SCYL3: variants seen among roughly 807,000 people sequenced by gnomAD.
SCYL3 encodes SCY1 like pseudokinase 3.
A neutral mutation model predicts 73.8 loss-of-function variants in SCYL3; 35 were observed. That is an observed-to-expected ratio of 0.47 (90% CI 0.36 to 0.63). The LOEUF is 0.63. SCYL3 is among the 20% of genes least tolerant of loss of function. The pLI, the probability that SCYL3 is intolerant of heterozygous loss-of-function variation, is 0.00. For synonymous variants in SCYL3, 277 were observed against 295.2 expected (o/e 0.94, Z 0.63); for missense variants, 712 against 798.9 (o/e 0.89, Z 1.31).
At chr1:169,879,881 G>A (rs1661123593) in intron 2 of SCYL3, among the ~76,000 whole-genome samples, 1 of 152,094 alleles carries the variant, frequency 6.6e-6, no homozygotes, top group Non-Finnish European at 1.5e-5. Context: ...AAAAATTAAT[G>A]TATAGACTCA....
At position 169,853,541 on chromosome 1, in the gene SCYL3, C is replaced by G; in HGVS notation, c.*172G>C. The G allele has an allele frequency of 1.5e-6, 1 of 662,534 alleles. No individual in the cohort carries two copies. Among genetic ancestry groups the G allele is most frequent in the Non-Finnish European group, 2.6e-6 (1 of 388,486 alleles). The allele number at this position is 662,534 out of a possible 1,614,324, so 41.0% of individuals were successfully genotyped here. A position where few individuals can be genotyped will look rare whatever the true frequency, so the allele number is the denominator to read the frequency against. On this transcript the variant is annotated 3_prime_UTR_variant, in exon 13 of 13. Transcript: ENST00000367771. ...AGCCTCACCACCCAGGGCTTTTAGCCAGCACTCACAGTCAGTCTCCTACTT... is the reference window on the plus strand; with the variant it reads ...AGCCTCACCACCCAGGGCTTTTAGCGAGCACTCACAGTCAGTCTCCTACTT...
At chr1:169,888,434 TATG>T (rs1299014881) in intron 2 of SCYL3, among the ~76,000 whole-genome samples, 4 of 152,156 alleles carry the variant, frequency 2.6e-5, no homozygotes, top group African/African-American at 9.7e-5. Context: ...AAAAATAAAA[TATG>T]ATGATAAAAG....
chr1:169,859,827 G>C (rs1229416041), intron 10 of SCYL3: 1 of 152,382 alleles, frequency 6.6e-6, no homozygotes, highest in Non-Finnish European at 1.5e-5. Context: ...TTGAGCCCAG[G>C]AGTTCTGGGC....
Position 169,853,125 on chromosome 1 carries a change from C to T in SCYL3, c.*588G>A, listed in dbSNP as rs1571366860. 1 of 827,176 alleles carries T rather than the reference C, an allele frequency of 1.2e-6. No individual in the cohort carries two copies. The highest frequency in any genetic ancestry group is 1.9e-6 in the Non-Finnish European group (1 of 524,752). The allele number at this position is 827,176 out of a possible 1,614,324, so 51.2% of individuals were successfully genotyped here. On this transcript the variant is annotated 3_prime_UTR_variant, in exon 13 of 13. Coordinates refer to ENST00000367771, the MANE Select transcript of SCYL3 (RefSeq NM_020423.7). ...TAATCTTTATTTGACATTTAGAGAACAGGATTGTGGGGAATATTCTTATTA... is the reference window on the plus strand; with the variant it reads ...TAATCTTTATTTGACATTTAGAGAATAGGATTGTGGGGAATATTCTTATTA...
intron 2 of SCYL3, among the ~76,000 whole-genome samples, chr1:169,887,631 C>T (rs1661778665): frequency 6.6e-6 from 1 of 152,032 alleles, no homozygotes; most frequent in Non-Finnish European, 1.5e-5. Context: ...AAAAAAGAGT[C>T]AAAAATGTGG....
chr1:169,862,854 G>C (rs1455985066), intron 9 of SCYL3, 57 bp from the exon 10 acceptor site: 5 of 1,525,608 alleles, frequency 3.3e-6, no homozygotes, highest in Non-Finnish European at 3.6e-6. Flanking sequence ...TCAGTGAAAA[G>C]TATTAAGCAT....
Position 169,854,377 on chromosome 1 carries a change from C to T in SCYL3, c.1900G>A (p.Ala634Thr). The T allele has an allele frequency of 6.2e-7, 1 of 1,614,070 alleles. No homozygotes were observed. The highest frequency in any genetic ancestry group is 8.5e-7 in the Non-Finnish European group (1 of 1,179,938). Residue 634 changes from alanine to threonine, a missense_variant, in exon 12 of 13, where the codon GCT becomes ACT. Ala to Thr is a moderately conservative substitution (Grantham distance 58). This residue lies in a region of SCYL3 where 370 missense variants were observed against 350.8 expected (regional missense o/e 1.05). Coordinates refer to ENST00000367771, the MANE Select transcript of SCYL3 (RefSeq NM_020423.7). ...CTCAGTTCAGGTAATATAAGAAAAG[C>T]AGCAGAAGGCTTAATTTCTGGGATC... Reference protein sequence around the residue: ...DMIPEIKPSAAFLILPELRTE... With the variant: ...DMIPEIKPSATFLILPELRTE...
intron 2 of SCYL3, among the ~76,000 whole-genome samples, chr1:169,885,071 T>C (rs951051522): frequency 6.6e-6 from 1 of 152,246 alleles, no homozygotes; most frequent in African/African-American, 2.4e-5. Flanking sequence ...AAGATGACTA[T>C]TTTTGAATGA....
Position 169,869,047 on chromosome 1 carries a change from C to T in SCYL3, c.626-8G>A, listed in dbSNP as rs568839549. 1.2e-6 allele frequency: 2 copies of T among 1,605,766 alleles called. No homozygotes were observed. The highest frequency in any genetic ancestry group is 8.5e-7 in the Non-Finnish European group (1 of 1,172,556). On this transcript the variant is annotated splice_polypyrimidine_tract_variant and splice_region_variant and intron_variant, in intron 6 of 12. Transcript: ENST00000367771. ...AGAGAACATCCGCTGAAACTGAAAT[C>T]CAGAGCTACAGTTAGTTTCCAATGC...
chr1:169,871,405 C>T (rs6658548), intron 5 of SCYL3, among the ~76,000 whole-genome samples: 25,264 of 152,168 alleles, frequency 0.17, 2,160 homozygotes, highest in Middle Eastern at 0.22. Context: ...CCAGGTGAGA[C>T]GTGCCTTTTG....
At position 169,853,654 on chromosome 1, in the gene SCYL3, TATTG is replaced by T; in HGVS notation, c.*55_*58del. 1 of 1,570,274 alleles carries T rather than the reference TATTG, an allele frequency of 6.4e-7. No individual in the cohort carries two copies. The highest frequency in any genetic ancestry group is 8.7e-7 in the Non-Finnish European group (1 of 1,145,816). On this transcript the variant is annotated 3_prime_UTR_variant, in exon 13 of 13. Transcript: ENST00000367771. ...CTTGTCCCAAAGCCTGCTTTTGAGG[TATTG>T]ATTTTTTTTAAAAAAAGGGAATCCT...
chr1:169,884,132 T>G (rs1184584270), intron 2 of SCYL3, among the ~76,000 whole-genome samples: 2 of 152,150 alleles, frequency 1.3e-5, no homozygotes, highest in East Asian at 3.8e-4. Context: ...CTCGAGTTAA[T>G]TCAATAAAAA....
Position 169,862,109 on chromosome 1 carries a change from T to G in SCYL3, c.1140+504A>C, listed in dbSNP as rs375798874. ...CTGGCCTCCAGAACTAAAAATAAAT[T>G]TGTATTGCTTTAAGCCATTATAATT... On this transcript the variant is annotated intron_variant, in intron 10 of 12. Coordinates refer to ENST00000367771, the MANE Select transcript of SCYL3 (RefSeq NM_020423.7). 7.2e-5 allele frequency among the ~76,000 whole-genome samples: 11 copies of G among 152,312 alleles called. No homozygotes were observed. The East Asian group carries it at 1.9e-3, about 27-fold the overall frequency.
Position 169,866,908 on chromosome 1 carries a change from G to A in SCYL3, c.803C>T (p.Thr268Met), listed in dbSNP as rs564471940. 170 of 1,564,250 alleles carry A rather than the reference G, an allele frequency of 1.1e-4. 1 individual carries two copies. The South Asian group carries it at 1.3e-3, about 12-fold the overall frequency. Residue 268 changes from threonine to methionine, a missense_variant, in exon 8 of 13, where the codon ACG becomes ATG. Physicochemically the swap from Thr to Met is moderately conservative, Grantham distance 81 (BLOSUM62 -1). Transcript: ENST00000367771. ...TTTCTGAACTTACTTAAAGAATTCC[G>A]TTTTCTCCTCTTCACTCTTCAATGT... ...SLTLKSEEEKTEFFKFLLDRV... is the reference protein window; with the variant it reads ...SLTLKSEEEKMEFFKFLLDRV...
chr1:169,890,794 C>A (rs946510833), intron 1 of SCYL3, among the ~76,000 whole-genome samples: 9 of 152,212 alleles, frequency 5.9e-5, no homozygotes, highest in African/African-American at 2.2e-4. Flanking sequence ...AAAAACAGTA[C>A]TAAAAGAAAT....
intron 10 of SCYL3, 102 bp downstream of exon 10, chr1:169,862,511 T>C (rs747002208): frequency 1.1e-4 from 143 of 1,265,670 alleles, no homozygotes; most frequent in Non-Finnish European, 1.5e-4. Flanking sequence ...GACTGCTGCC[T>C]GAAGGCTTTC....
At chr1:169,855,884 T>A in intron 11 of SCYL3, 5 of 1,613,904 alleles carry the variant, frequency 3.1e-6, no homozygotes, top group Non-Finnish European at 4.2e-6. Flanking sequence ...ATTTAGGGAA[T>A]ATGCTAGAGA....
Position 169,852,179 on chromosome 1 carries a change from A to AT in SCYL3, c.*1533dup, listed in dbSNP as rs545567775. Reference sequence around the variant, plus strand: ...GGTAGTAACCTTTAAGGGAAGTTACATATTGTACCAGTGATGCTATAAATG... The same window carrying AT: ...GGTAGTAACCTTTAAGGGAAGTTACATTATTGTACCAGTGATGCTATAAATG... On this transcript the variant is annotated 3_prime_UTR_variant, in exon 13 of 13. Coordinates refer to ENST00000367771, the MANE Select transcript of SCYL3 (RefSeq NM_020423.7). 9.8e-4 allele frequency: 533 copies of AT among 544,838 alleles called. 1 individual carries two copies. The highest frequency in any genetic ancestry group is 1.4e-3 in the Non-Finnish European group (437 of 308,154). 33.8% of individuals were successfully genotyped at this position (544,838 alleles called of 1,614,324 possible). A position where few individuals can be genotyped will look rare whatever the true frequency, so the allele number is the denominator to read the frequency against.
In SCYL3 at chr1:169,853,537, T is replaced by TA. The variant is rs1462678243; in HGVS notation, c.*175dup. On this transcript the variant is annotated 3_prime_UTR_variant, in exon 13 of 13. Transcript: ENST00000367771. ...TGTGAGCCTCACCACCCAGGGCTTTTAGCCAGCACTCACAGTCAGTCTCCT... is the reference window on the plus strand; with the variant it reads ...TGTGAGCCTCACCACCCAGGGCTTTTAAGCCAGCACTCACAGTCAGTCTCCT... 9 of 646,832 alleles carry TA rather than the reference T, an allele frequency of 1.4e-5. No homozygotes were observed. Among genetic ancestry groups the TA allele is most frequent in the Non-Finnish European group, 2.6e-6 (1 of 378,174 alleles). 40.1% of individuals were successfully genotyped at this position (646,832 alleles called of 1,614,324 possible).
Sources: allele counts gnomAD v4.1 joint callset (sites outside exome capture counted in the v4.1 genomes callset), GRCh38; gene constraint gnomAD v4.1.1; regional missense constraint gnomAD v4.1.1; transcripts MANE v1.5; gene names NCBI Gene and HGNC (gene_info 2026-07-23, HGNC 2026-07-21).